The following CTNNA2 variants were observed in gnomAD, a reference collection of about 807,000 sequenced individuals.
CTNNA2 encodes the protein catenin alpha 2.
CTNNA2 carries 42 observed loss-of-function variants against 101.0 expected under a neutral mutation model. The observed-to-expected ratio is 0.42, with a 90% CI of 0.32 to 0.54. The LOEUF (loss-of-function observed/expected upper bound fraction) is 0.54. CTNNA2 is among the 20% of genes least tolerant of loss of function. The pLI is 0.14. For missense variants in CTNNA2, 871 were observed against 1,223.1 expected, an observed-to-expected ratio of 0.71 and a Z score of 4.29; for synonymous variants, 450 against 456.4, an observed-to-expected ratio of 0.99 and a Z score of 0.18.
chr2:80,641,575 TTTTGACAATACTATTA>T (rs1673489850), intron 18 of CTNNA2, among the ~76,000 whole-genome samples: 1 of 152,144 alleles, frequency 6.6e-6, no homozygotes, highest in South Asian at 2.1e-4. Context: ...TATTTTTCAC[TTTTGACAATACTATTA>T]TTTGTTTTTA....
At chr2:79,274,608 T>G (rs557126844) in intron 2 of CTNNA2, among the ~76,000 whole-genome samples, 111 of 152,178 alleles carry the variant, frequency 7.3e-4, no homozygotes, top group Non-Finnish European at 1.2e-3. Context: ...TAATTATTTT[T>G]GATAAAATAT....
intron 15 of CTNNA2, chr2:80,601,599 T>A (rs1697544724): frequency 6.6e-6 from 1 of 151,764 alleles, no homozygotes; most frequent in Admixed American, 6.6e-5. Flanking sequence ...AGCTTTGTGA[T>A]ACATTTTTTT....
At chr2:79,729,231 C>A (rs531389697) in intron 2 of CTNNA2, among the ~76,000 whole-genome samples, 26 of 152,050 alleles carry the variant, frequency 1.7e-4, no homozygotes, top group Non-Finnish European at 3.1e-4. Context: ...GCACCCTTTC[C>A]CCTTGTGGTT....
At chr2:79,925,663 G>C (rs889807696) in intron 7 of CTNNA2, among the ~76,000 whole-genome samples, 3 of 152,008 alleles carry the variant, frequency 2.0e-5, no homozygotes, top group South Asian at 2.1e-4. Flanking sequence ...AGCCTTAGGT[G>C]CTTCCGGGTC....
At chr2:80,108,713 A>G (rs1452772762) in intron 7 of CTNNA2, among the ~76,000 whole-genome samples, 7 of 152,224 alleles carry the variant, frequency 4.6e-5, no homozygotes, top group African/African-American at 1.7e-4. Flanking sequence ...GATGGCAAGC[A>G]GCTTTCCCAA....
chr2:80,209,736 C>G (rs1304466865), intron 7 of CTNNA2, among the ~76,000 whole-genome samples: 1 of 152,144 alleles, frequency 6.6e-6, no homozygotes, highest in Non-Finnish European at 1.5e-5. Context: ...TTCTGATGCT[C>G]TGCTGTACCT....
chr2:80,094,075 T>G (rs1162759990), intron 7 of CTNNA2, among the ~76,000 whole-genome samples: 3 of 152,250 alleles, frequency 2.0e-5, no homozygotes, highest in Non-Finnish European at 4.4e-5. Context: ...CATGAAGTCC[T>G]TGCCCATGCC....
chr2:79,909,482 C>T, intron 6 of CTNNA2, 112 bp from the exon 7 acceptor site: 2 of 782,272 alleles, frequency 2.6e-6, no homozygotes, highest in African/African-American at 3.5e-5. Flanking sequence ...ACCAGTTTCT[C>T]CTCCTTGGGG....
At chr2:80,442,498 A>G (rs1163498895) in intron 9 of CTNNA2, among the ~76,000 whole-genome samples, 1 of 152,176 alleles carries the variant, frequency 6.6e-6, no homozygotes, top group East Asian at 1.9e-4. Flanking sequence ...TCCTCAGTGG[A>G]ACCTGGCTCC....
intron 9 of CTNNA2, among the ~76,000 whole-genome samples, chr2:80,517,952 C>G (rs1460748741): frequency 1.3e-5 from 2 of 152,114 alleles, no homozygotes; most frequent in Non-Finnish European, 2.9e-5. Flanking sequence ...AATTCACATC[C>G]CTAAAGTATG....
At chr2:79,565,040 T>A (rs2104161987) in intron 1 of CTNNA2, among the ~76,000 whole-genome samples, 1 of 152,176 alleles carries the variant, frequency 6.6e-6, no homozygotes, top group East Asian at 1.9e-4. Context: ...ATGTAAATAT[T>A]TTTGGGCAGT....
rs1230516609 is a variant in CTNNA2 at position 80,075,676 on chromosome 2, AT to A, written c.1056+165881del. Among the ~76,000 whole-genome samples the A allele has an allele frequency of 2.7e-3, 235 of 85,908 alleles. 6 individuals are homozygous for A. Among genetic ancestry groups the A allele is most frequent in the African/African-American group, 9.9e-3 (201 of 20,212 alleles). 56.4% of individuals were successfully genotyped at this position (85,908 alleles called of 152,430 possible). A position where few individuals can be genotyped will look rare whatever the true frequency, so the allele number is the denominator to read the frequency against. ...AAATAATATTTATACATGTATAAAT[AT>A]TATAAAAATAATATTTATACTTGTA... On this transcript the variant is annotated intron_variant, in intron 7 of 18. Coordinates refer to ENST00000402739, the MANE Select transcript of CTNNA2 (RefSeq NM_001282597.3).
chr2:79,297,665 A>T (rs1676012729), intron 2 of CTNNA2, among the ~76,000 whole-genome samples: 1 of 152,168 alleles, frequency 6.6e-6, no homozygotes, highest in African/African-American at 2.4e-5. Flanking sequence ...CATTCCAACT[A>T]TTTATCTCTC....
intron 3 of CTNNA2, among the ~76,000 whole-genome samples, chr2:79,364,538 A>T (rs1420114267): frequency 1.3e-5 from 2 of 152,196 alleles, no homozygotes; most frequent in Non-Finnish European, 2.9e-5. Context: ...TTCACCTTTG[A>T]CGAGAATAAT....
intron 3 of CTNNA2, among the ~76,000 whole-genome samples, chr2:79,338,643 C>CTTCTTCTTCTTCTTAG (rs1558634030): frequency 1.4e-5 from 2 of 145,438 alleles, no homozygotes; most frequent in Non-Finnish European, 3.0e-5. Context: ...TCTTCTTCTT[C>CTTCTTCTTCTTCTTAG]AAAGATTCCT....
chr2:80,051,713 A>G (rs1364560277), intron 7 of CTNNA2, among the ~76,000 whole-genome samples: 2 of 152,104 alleles, frequency 1.3e-5, no homozygotes, highest in Non-Finnish European at 2.9e-5. Flanking sequence ...CACAGAGGCC[A>G]TTGCTCATGC....
At chr2:79,412,718 C>A (rs899016761) in intron 4 of CTNNA2, among the ~76,000 whole-genome samples, 9 of 151,978 alleles carry the variant, frequency 5.9e-5, no homozygotes, top group Admixed American at 5.3e-4. Context: ...ACACAGCATA[C>A]CAGAATCTCT....
intron 3 of CTNNA2, among the ~76,000 whole-genome samples, chr2:79,854,179 G>A (rs75712701): frequency 0.03 from 4,553 of 152,146 alleles, 124 homozygotes; most frequent in East Asian, 0.13. Context: ...TTGAGCATAT[G>A]TTGTCTTGCT....
At chr2:80,006,229 T>C (rs1276210980) in intron 7 of CTNNA2, among the ~76,000 whole-genome samples, 4 of 152,126 alleles carry the variant, frequency 2.6e-5, no homozygotes, top group Non-Finnish European at 5.9e-5. Flanking sequence ...TACACACTTT[T>C]AGAATCATGA....
Sources: gnomAD v4.1 joint callset for allele counts (sites outside exome capture counted in the v4.1 genomes callset) on GRCh38, gnomAD v4.1.1 for gene constraint, MANE v1.5 for transcripts, NCBI Gene and HGNC (gene_info 2026-07-23, HGNC 2026-07-21) for gene names.